The following DZIP1L variants were observed in gnomAD, a reference collection of about 807,000 sequenced individuals.
DZIP1L encodes cilium assembly protein DZIP1L.
DZIP1L carries 90 observed loss-of-function variants against 88.7 expected under a neutral mutation model. That is an observed-to-expected ratio of 1.02 (90% CI 0.86 to 1.21). The LOEUF is 1.21. DZIP1L is among the 50% of genes most tolerant of loss of function. DZIP1L has a pLI of 0.00. For synonymous variants in DZIP1L, 363 were observed against 372.1 expected (o/e 0.98, Z 0.28); for missense variants, 932 against 955.8 (o/e 0.98, Z 0.33).
At chr3:138,068,563 C>G (rs1337359341) in intron 12 of DZIP1L, among the ~76,000 whole-genome samples, 196 bp from the exon 13 acceptor site, 1 of 152,154 alleles carries the variant, frequency 6.6e-6, no homozygotes, top group Non-Finnish European at 1.5e-5. Context: ...GACCACAGTT[C>G]CACAGTTTCA....
chr3:138,066,874 G>A (rs1048043042), intron 14 of DZIP1L, among the ~76,000 whole-genome samples: 5 of 152,070 alleles, frequency 3.3e-5, no homozygotes, highest in African/African-American at 4.8e-5. Context: ...GGGCCACGGC[G>A]CACCTGAAGG....
chr3:138,097,715 G>A (rs1221200606), intron 3 of DZIP1L, 48 bp downstream of exon 3: 3 of 1,542,900 alleles, frequency 1.9e-6, no homozygotes, highest in East Asian at 2.3e-5. Flanking sequence ...ACCAGCCCCA[G>A]CCCTTTCCAC....
chr3:138,084,080 C>T (rs1943804616), intron 8 of DZIP1L, 33 bp downstream of exon 8: 1 of 1,608,700 alleles, frequency 6.2e-7, no homozygotes, highest in Non-Finnish European at 8.5e-7. Flanking sequence ...CCCAGGGACA[C>T]CAAGGCCTGG....
At chr3:138,069,303 A>G in intron 12 of DZIP1L, 1 of 453,278 alleles carries the variant, frequency 2.2e-6, no homozygotes, top group East Asian at 3.4e-5. Flanking sequence ...TTGTAATAAT[A>G]CAGCTTATAA....
intron 11 of DZIP1L, among the ~76,000 whole-genome samples, chr3:138,074,135 C>T (rs1262357219): frequency 1.3e-5 from 2 of 152,164 alleles, no homozygotes; most frequent in South Asian, 2.1e-4. Context: ...AAAACATCTT[C>T]GAGGGAATAA....
At position 138,077,533 on chromosome 3, in the gene DZIP1L, A is replaced by G. The variant is rs1943468566; in HGVS notation, c.1388T>C (p.Leu463Pro). 6.2e-7 allele frequency: 1 copy of G among 1,614,080 alleles called. No homozygotes were observed. The highest frequency in any genetic ancestry group is 1.3e-5 in the African/African-American group (1 of 74,930). ...CCCCATGCTTTCGAGCTTCTCTTCCAGGGTGTCCTCCAGGATTGGTCTGAA... is the reference window on the plus strand; with the variant it reads ...CCCCATGCTTTCGAGCTTCTCTTCCGGGGTGTCCTCCAGGATTGGTCTGAA... ...KHFRPILEDT[L>P]EEKLESMGIR... The change falls in exon 11 of 16, where the codon CTG becomes CCG. Residue 463 changes from leucine (L) to proline (P), a missense_variant. By Grantham distance (98) the Leu-to-Pro change is moderately conservative (BLOSUM62 -3). Coordinates refer to ENST00000327532, the MANE Select transcript of DZIP1L (RefSeq NM_173543.3).
In DZIP1L at chr3:138,108,795, T is replaced by C. The variant is rs140240042; in HGVS notation, c.-81-4743A>G. ...TTAAATGCACAAAATGTAGCAGATA[T>C]GAAAGAAACCACAGTACATGTGTGA... On this transcript the variant is annotated intron_variant, in intron 1 of 15. Coordinates refer to ENST00000327532, the MANE Select transcript of DZIP1L (RefSeq NM_173543.3). Among the ~76,000 whole-genome samples, 208 of 152,266 alleles carry C rather than the reference T, an allele frequency of 1.4e-3. 1 individual carries two copies. Among genetic ancestry groups the C allele is most frequent in the African/African-American group, 4.8e-3 (199 of 41,572 alleles).
rs186068813 is a variant in DZIP1L, at chr3:138,078,878, C to T, written c.1289-1246G>A. On this transcript the variant is annotated intron_variant, in intron 10 of 15. Transcript: ENST00000327532. ...TGCTTTAGGTAATGTGGGGGTGTAGCGTGGTCCTCCAGACAGTTCAAGCTT... is the reference window on the plus strand; with the variant it reads ...TGCTTTAGGTAATGTGGGGGTGTAGTGTGGTCCTCCAGACAGTTCAAGCTT... Among the ~76,000 whole-genome samples the T allele has an allele frequency of 6.6e-5, 10 of 152,290 alleles. No individual in the cohort carries two copies. In the East Asian group the frequency reaches 1.5e-3, roughly 23 times the overall value.
intron 15 of DZIP1L, chr3:138,064,420 A>G: frequency 6.6e-7 from 1 of 1,504,346 alleles, no homozygotes; most frequent in Admixed American, 2.2e-5. Context: ...ATGAACCAAA[A>G]GGCTTTTTAA....
In DZIP1L at chr3:138,071,721, C is replaced by G; in HGVS notation, c.1537G>C (p.Val513Leu). 6.2e-7 allele frequency: 1 copy of G among 1,614,240 alleles called. No individual in the cohort carries two copies. The highest frequency in any genetic ancestry group is 8.5e-7 in the Non-Finnish European group (1 of 1,180,042). The change falls in exon 12 of 16, where the codon GTC becomes CTC. Residue 513 changes from valine (V) to leucine (L), a missense_variant. Coordinates refer to ENST00000327532, the MANE Select transcript of DZIP1L (RefSeq NM_173543.3). The stretch of plus-strand genomic sequence containing the variant: ...TTCGCTCTGCTGGTGACTTCCTTGA[C>G]AAGCTTTCCCCTCAGACTCAGAAAT... ...SEFLSLRGKL[V>L]KEVTSRAKER... is the part of the protein sequence containing the mutation.
intron 2 of DZIP1L, among the ~76,000 whole-genome samples, chr3:138,100,030 CT>C (rs761034387): frequency 4.4e-3 from 639 of 143,794 alleles, no homozygotes; most frequent in Non-Finnish European, 4.8e-3. Context: ...AACCCCCATC[CT>C]TTTTTTTTTT....
At chr3:138,100,756 CT>C (rs2042276959) in intron 2 of DZIP1L, among the ~76,000 whole-genome samples, 1 of 152,218 alleles carries the variant, frequency 6.6e-6, no homozygotes, top group African/African-American at 2.4e-5. Context: ...CTATGAATGT[CT>C]TAAAAACCTG....
chr3:138,091,559 G>C (rs928497624), intron 5 of DZIP1L, among the ~76,000 whole-genome samples: 1 of 150,262 alleles, frequency 6.7e-6, no homozygotes, highest in East Asian at 2.0e-4. Context: ...CGGAAGTTGC[G>C]GTGAGCCGAC....
chr3:138,080,968 G>T (rs1943618875), intron 9 of DZIP1L, among the ~76,000 whole-genome samples: 1 of 152,154 alleles, frequency 6.6e-6, no homozygotes, highest in Non-Finnish European at 1.5e-5. Context: ...ATTATCAATG[G>T]CTCTGCTCTA....
At chr3:138,069,986 C>A (rs1031816215) in intron 12 of DZIP1L, among the ~76,000 whole-genome samples, 2 of 152,194 alleles carry the variant, frequency 1.3e-5, no homozygotes, top group Non-Finnish European at 2.9e-5. Flanking sequence ...GGGAAGGCTG[C>A]GAAGGGGGCT....
chr3:138,069,063 G>A (rs1943050768), intron 12 of DZIP1L: 4 of 1,170,640 alleles, frequency 3.4e-6, no homozygotes, highest in South Asian at 2.0e-5. Context: ...GAAACAACGT[G>A]GGGTTGAACA....
intron 2 of DZIP1L, chr3:138,101,533 A>G (rs2107838736): frequency 2.5e-6 from 2 of 796,048 alleles, no homozygotes; most frequent in South Asian, 1.3e-5. Flanking sequence ...GCAAGTCTCT[A>G]TCTTCTTCAC....
intron 11 of DZIP1L, among the ~76,000 whole-genome samples, chr3:138,076,410 G>A (rs60370755): frequency 0.03 from 4,453 of 150,520 alleles, 219 homozygotes; most frequent in African/African-American, 0.1. Context: ...CCACTACTGC[G>A]TATCTACACT....
intron 3 of DZIP1L, 88 bp from the exon 4 acceptor site, chr3:138,095,071 C>G: frequency 6.3e-7 from 1 of 1,583,002 alleles, no homozygotes; most frequent in Non-Finnish European, 8.6e-7. Context: ...AGCCATACCT[C>G]GGTCTCAAAC....
Sources: allele counts gnomAD v4.1 joint callset (sites outside exome capture counted in the v4.1 genomes callset), GRCh38; gene constraint gnomAD v4.1.1; transcripts MANE v1.5; gene names NCBI Gene and HGNC (gene_info 2026-07-23, HGNC 2026-07-21).